The following ELK3 variants were observed in gnomAD, a reference collection of about 807,000 sequenced individuals.
ELK3 encodes the protein ETS transcription factor ELK3.
ELK3 carries 10 observed loss-of-function variants against 28.9 expected under a neutral mutation model. The observed-to-expected ratio is 0.35, with a 90% CI of 0.21 to 0.59. The LOEUF is 0.59. ELK3 is among the 20% of genes least tolerant of loss of function. ELK3 has a pLI of 0.82. For missense variants in ELK3, 463 were observed against 517.3 expected (o/e 0.90, Z 1.02); for synonymous variants, 272 against 243.5 (o/e 1.12, Z -1.09).
At position 96,233,491 on chromosome 12, in the gene ELK3, G is replaced by A. The variant is rs575535617; in HGVS notation, c.207+9718G>A. Among the ~76,000 whole-genome samples, 32 of 152,260 alleles carry A rather than the reference G, an allele frequency of 2.1e-4. No individual in the cohort carries two copies. The South Asian group carries it at 6.4e-3, about 31-fold the overall frequency. The stretch of plus-strand genomic sequence containing the variant: ...TCTTTACTTAATTGGAAGGGATTTC[G>A]GGGAGAACAGTCAAGACAAAGTCAT... On this transcript the variant is annotated intron_variant, in intron 2 of 4. Coordinates refer to ENST00000228741, the MANE Select transcript of ELK3 (RefSeq NM_005230.4).
intron 3 of ELK3, among the ~76,000 whole-genome samples, chr12:96,257,986 A>G (rs187342424): frequency 1.3e-5 from 2 of 152,372 alleles, no homozygotes; most frequent in African/African-American, 2.4e-5. Flanking sequence ...GAGCATTTCT[A>G]TATGCCAGGC....
intron 4 of ELK3, among the ~76,000 whole-genome samples, chr12:96,261,612 A>G (rs1283571066): frequency 6.6e-6 from 1 of 152,158 alleles, no homozygotes; most frequent in Non-Finnish European, 1.5e-5. Context: ...GCTTCTGTAG[A>G]GTTCAGTAGG....
chr12:96,254,153 C>G (rs1951928768), intron 3 of ELK3, among the ~76,000 whole-genome samples: 2 of 152,204 alleles, frequency 1.3e-5, no homozygotes, highest in Non-Finnish European at 2.9e-5. Context: ...GGCCAAACCC[C>G]ATCTCTACTA....
intron 3 of ELK3, among the ~76,000 whole-genome samples, chr12:96,253,032 G>A (rs1592689436): frequency 2.0e-5 from 3 of 152,212 alleles, no homozygotes; most frequent in South Asian, 2.1e-4. Context: ...AGGCCAAGGC[G>A]GGTGGATCAC....
At chr12:96,239,362 C>T (rs1951804917) in intron 2 of ELK3, among the ~76,000 whole-genome samples, 1 of 152,066 alleles carries the variant, frequency 6.6e-6, no homozygotes, top group African/African-American at 2.4e-5. Flanking sequence ...GAAGTGTTAG[C>T]AATGTCGTGT....
chr12:96,254,189 G>A (rs550782331), intron 3 of ELK3, among the ~76,000 whole-genome samples: 54 of 152,336 alleles, frequency 3.5e-4, no homozygotes, highest in African/African-American at 1.2e-3. Flanking sequence ...GCTGGGTGTG[G>A]TGGTGCATGC....
intron 1 of ELK3, among the ~76,000 whole-genome samples, chr12:96,209,382 G>A (rs1951561510): frequency 6.6e-6 from 1 of 152,098 alleles, no homozygotes; most frequent in Non-Finnish European, 1.5e-5. Context: ...AGATTTTACA[G>A]TTTCAACACA....
At chr12:96,196,424 G>T (rs995229663) in intron 1 of ELK3, among the ~76,000 whole-genome samples, 1 of 151,954 alleles carries the variant, frequency 6.6e-6, no homozygotes, top group African/African-American at 2.4e-5. Flanking sequence ...TTGGGGGTGG[G>T]GGGGGTGTGG....
intron 3 of ELK3, 50 bp from the exon 4 acceptor site, chr12:96,259,681 C>T (rs201202319): frequency 3.2e-6 from 5 of 1,567,214 alleles, no homozygotes; most frequent in South Asian, 1.2e-5. Context: ...TTGATCATGG[C>T]CCAAGTCAGG....
chr12:96,212,576 A>C (rs1299130165), intron 1 of ELK3: 1 of 152,154 alleles, frequency 6.6e-6, no homozygotes, highest in African/African-American at 2.4e-5. Context: ...GGATGTTGTT[A>C]TAGGGGGGAG....
Position 96,267,277 on chromosome 12 carries a change from CTT to C in ELK3, c.*98_*99del. 3 of 1,050,546 alleles carry C rather than the reference CTT, an allele frequency of 2.9e-6. No homozygotes were observed. Among genetic ancestry groups the C allele is most frequent in the Non-Finnish European group, 4.1e-6 (3 of 736,822 alleles). 65.1% of individuals were successfully genotyped at this position (1,050,546 alleles called of 1,614,324 possible). ...GTCGTGAGAAGGACATTGTGAAACT[CTT>C]GTTAATTTGGTTTGCACTTTTCATA... On this transcript the variant is annotated 3_prime_UTR_variant, in exon 5 of 5. Coordinates refer to ENST00000228741, the MANE Select transcript of ELK3 (RefSeq NM_005230.4).
At chr12:96,217,734 G>A (rs1003968821) in intron 1 of ELK3, among the ~76,000 whole-genome samples, 11 of 151,982 alleles carry the variant, frequency 7.2e-5, no homozygotes, top group Admixed American at 2.6e-4. Context: ...TCAGGAGATC[G>A]AGACCATCTT....
At chr12:96,246,664 AATCATC>A (rs1376158978) in intron 2 of ELK3, among the ~76,000 whole-genome samples, 1 of 152,108 alleles carries the variant, frequency 6.6e-6, no homozygotes, top group South Asian at 2.1e-4. Context: ...CTGTCTAAGA[AATCATC>A]ATCATCATCA....
chr12:96,227,027 C>T (rs919514688), intron 2 of ELK3, among the ~76,000 whole-genome samples: 9 of 152,278 alleles, frequency 5.9e-5, no homozygotes, highest in Admixed American at 2.0e-4. Context: ...GTGCATTGCC[C>T]GTCTGTGACC....
chr12:96,219,564 T>C (rs1016630687), intron 1 of ELK3, among the ~76,000 whole-genome samples: 1 of 152,136 alleles, frequency 6.6e-6, no homozygotes, highest in Admixed American at 6.5e-5. Context: ...GAAAACAATA[T>C]GGAGAGCGCT....
At chr12:96,236,490 C>T (rs918880911) in intron 2 of ELK3, among the ~76,000 whole-genome samples, 3 of 152,196 alleles carry the variant, frequency 2.0e-5, no homozygotes, top group South Asian at 2.1e-4. Context: ...AAACCTCTCC[C>T]GGGAGCCGAC....
chr12:96,251,965 C>T (rs1008759303), intron 3 of ELK3, among the ~76,000 whole-genome samples: 3 of 152,234 alleles, frequency 2.0e-5, no homozygotes, highest in African/African-American at 7.2e-5. Flanking sequence ...GTAGGTGAAA[C>T]GGCCTTCTAC....
intron 1 of ELK3, among the ~76,000 whole-genome samples, chr12:96,218,907 C>A (rs1011782305): frequency 6.6e-6 from 1 of 152,154 alleles, no homozygotes; most frequent in South Asian, 2.1e-4. Flanking sequence ...CTCGGCCTCG[C>A]AAAGTGCTGG....
intron 4 of ELK3, among the ~76,000 whole-genome samples, chr12:96,261,701 C>T (rs548434615): frequency 6.6e-6 from 1 of 152,202 alleles, no homozygotes; most frequent in Non-Finnish European, 1.5e-5. Context: ...GCCTTGGCAA[C>T]CTCCTAGGAA....
Sources: allele counts gnomAD v4.1 joint callset (sites outside exome capture counted in the v4.1 genomes callset), GRCh38; gene constraint gnomAD v4.1.1; transcripts MANE v1.5; gene names NCBI Gene and HGNC (gene_info 2026-07-23, HGNC 2026-07-21).